The following C12orf42 variants were observed in gnomAD, a reference collection of about 807,000 sequenced individuals.
The protein encoded by C12orf42 is chromosome 12 open reading frame 42.
C12orf42 carries 25 observed loss-of-function variants against 21.6 expected under a neutral mutation model. The observed-to-expected ratio is 1.16, with a 90% CI of 0.84 to 1.62. The LOEUF is 1.62. C12orf42 is among the 40% of genes most tolerant of loss of function. The pLI, the probability that C12orf42 is intolerant of heterozygous loss-of-function variation, is 0.00. For synonymous variants in C12orf42, 174 were observed against 175.0 expected, an observed-to-expected ratio of 0.99 and a Z score of 0.05; for missense variants, 483 against 459.3, an observed-to-expected ratio of 1.05 and a Z score of -0.47.
At chr12:103,527,410 T>C in the C12orf42 span, among the ~76,000 whole-genome samples, 1 of 152,148 alleles carries the variant, frequency 6.6e-6, no homozygotes, top group South Asian at 2.1e-4. Context: ...GGAAGGAGTT[T>C]GGGTCATGGA....
chr12:103,101,241 G>A, the C12orf42 span, among the ~76,000 whole-genome samples: 473 of 152,280 alleles, frequency 3.1e-3, 1 homozygote, highest in Middle Eastern at 3.4e-3. Flanking sequence ...CCACTAGCCT[G>A]TAGAACAGTA....
At chr12:103,491,372 G>A (rs1375065952) in intron 1 of C12orf42, among the ~76,000 whole-genome samples, 2 of 152,232 alleles carry the variant, frequency 1.3e-5, no homozygotes, top group Non-Finnish European at 2.9e-5. Flanking sequence ...AAACTCTGGT[G>A]CATCCATCCC....
At chr12:103,336,302 G>T (rs768328962) in intron 4 of C12orf42, among the ~76,000 whole-genome samples, 3 of 152,122 alleles carry the variant, frequency 2.0e-5, no homozygotes, top group Non-Finnish European at 4.4e-5. Context: ...GAAGATATAG[G>T]CTTCATTTTT....
intron 4 of C12orf42, among the ~76,000 whole-genome samples, chr12:103,338,550 A>T (rs1566106046): frequency 6.6e-6 from 1 of 152,260 alleles, no homozygotes; most frequent in Non-Finnish European, 1.5e-5. Context: ...CTTGCAGTGC[A>T]TTTAATCTTT....
intron 10 of C12orf42, among the ~76,000 whole-genome samples, chr12:103,244,685 T>TA (rs1324930370): frequency 6.6e-6 from 1 of 152,170 alleles, no homozygotes; most frequent in African/African-American, 2.4e-5. Context: ...CCCTCTTTTT[T>TA]ATCTTGATTC....
the C12orf42 span, among the ~76,000 whole-genome samples, chr12:103,188,873 C>G: frequency 6.6e-6 from 1 of 152,206 alleles, no homozygotes; most frequent in South Asian, 2.1e-4. Flanking sequence ...GCAAATTACC[C>G]AGTCTCCAGT....
chr12:103,466,064 T>C (rs1953102588), intron 2 of C12orf42, among the ~76,000 whole-genome samples: 1 of 152,198 alleles, frequency 6.6e-6, no homozygotes, highest in Non-Finnish European at 1.5e-5. Flanking sequence ...TTTTCTTTAT[T>C]GCTGTTGTAT....
chr12:103,388,663 C>T (rs1249230104), intron 3 of C12orf42, among the ~76,000 whole-genome samples: 1 of 152,078 alleles, frequency 6.6e-6, no homozygotes, highest in Non-Finnish European at 1.5e-5. Context: ...TACTCTACTG[C>T]TCTTGCCTTA....
the C12orf42 span, among the ~76,000 whole-genome samples, chr12:103,140,308 G>C: frequency 6.6e-6 from 1 of 152,168 alleles, no homozygotes; most frequent in African/African-American, 2.4e-5. Flanking sequence ...TGAAAGACAG[G>C]CTGACCTAAT....
intron 2 of C12orf42, among the ~76,000 whole-genome samples, chr12:103,446,831 C>A (rs1254867447): frequency 6.6e-6 from 1 of 151,962 alleles, no homozygotes; most frequent in East Asian, 1.9e-4. Context: ...AATACATATG[C>A]ACGTAACATT....
At chr12:103,148,127 A>G in the C12orf42 span, among the ~76,000 whole-genome samples, 1 of 152,212 alleles carries the variant, frequency 6.6e-6, no homozygotes, top group African/African-American at 2.4e-5. Context: ...ACTCCATTCA[A>G]TAAAAGCAAA....
chr12:103,497,383 C>A (rs1050062239), upstream of C12orf42, among the ~76,000 whole-genome samples: 1 of 152,206 alleles, frequency 6.6e-6, no homozygotes, highest in South Asian at 2.1e-4. Flanking sequence ...ATCATGGCAT[C>A]ATTCCAACTT....
intron 4 of C12orf42, among the ~76,000 whole-genome samples, chr12:103,289,936 T>C (rs2036691088): frequency 6.6e-6 from 1 of 152,160 alleles, no homozygotes; most frequent in Non-Finnish European, 1.5e-5. Flanking sequence ...ATGAGAAAAC[T>C]ATGCAAAAAG....
chr12:103,145,437 T>G, the C12orf42 span, among the ~76,000 whole-genome samples: 1 of 151,958 alleles, frequency 6.6e-6, no homozygotes, highest in African/African-American at 2.4e-5. Context: ...CTAAAATTAT[T>G]TTTTCTATGA....
the C12orf42 span, among the ~76,000 whole-genome samples, chr12:103,222,147 C>T: frequency 1.3e-5 from 2 of 152,186 alleles, no homozygotes; most frequent in Non-Finnish European, 2.9e-5. Flanking sequence ...GACCACCAAA[C>T]ACGCTTTGTG....
At chr12:103,386,629 A>G (rs1246538001) in intron 3 of C12orf42, among the ~76,000 whole-genome samples, 1 of 152,230 alleles carries the variant, frequency 6.6e-6, no homozygotes, top group East Asian at 1.9e-4. Context: ...ATTATGCTAC[A>G]GAGAGTTAGC....
chr12:103,097,998 C>T, the C12orf42 span, among the ~76,000 whole-genome samples: 1 of 152,114 alleles, frequency 6.6e-6, no homozygotes, highest in African/African-American at 2.4e-5. Context: ...CCTCGTATGA[C>T]CTGAAGAACA....
At chr12:103,282,368 G>C (rs1406605848) in intron 4 of C12orf42, among the ~76,000 whole-genome samples, 3 of 152,186 alleles carry the variant, frequency 2.0e-5, no homozygotes, top group African/African-American at 7.2e-5. Context: ...CTTATATGAT[G>C]AAGGTCCTCT....
chr12:103,073,793 G>C, the C12orf42 span, among the ~76,000 whole-genome samples: 1 of 152,172 alleles, frequency 6.6e-6, no homozygotes, highest in Non-Finnish European at 1.5e-5. Flanking sequence ...AGGAATTTAT[G>C]TTAATTGAGT....
Sources: gnomAD v4.1 joint callset for allele counts (sites outside exome capture counted in the v4.1 genomes callset) on GRCh38, gnomAD v4.1.1 for gene constraint, MANE v1.5 for transcripts, NCBI Gene and HGNC (gene_info 2026-07-23, HGNC 2026-07-21) for gene names.